MARCHF10: variants seen among roughly 807,000 people sequenced by gnomAD.
MARCHF10 encodes probable E3 ubiquitin-protein ligase MARCHF10.
MARCHF10 carries 64 observed loss-of-function variants against 76.2 expected under a neutral mutation model. The ratio of observed to expected loss-of-function variants is 0.84; its 90% CI spans 0.69 to 1.03. MARCHF10 has a LOEUF of 1.03. MARCHF10 is among the 50% of genes least tolerant of loss of function. The probability of loss-of-function intolerance (pLI) is 0.00; values close to 1 mark genes in which losing one functional copy is unlikely to be tolerated. For missense variants in MARCHF10, 875 were observed against 958.0 expected (o/e 0.91, Z 1.14); for synonymous variants, 340 against 357.5 (o/e 0.95, Z 0.55).
In MARCHF10 at chr17:62,722,949, C is replaced by A. The variant is rs188292754; in HGVS notation, c.2105-352G>T. Among the ~76,000 whole-genome samples, 283 of 150,806 alleles carry A rather than the reference C, an allele frequency of 1.9e-3. 3 individuals are homozygous for A. The highest frequency in any genetic ancestry group is 6.5e-3 in the African/African-American group (265 of 40,758). On this transcript the variant is annotated intron_variant, in intron 7 of 10. Transcript: ENST00000311269. ...GGTGTTTGTAAAAAGAGTGACTATT[C>A]AGCTTTTTTTTTTTTTATTGTAGAC...
intron 5 of MARCHF10, among the ~76,000 whole-genome samples, chr17:62,739,111 C>A (rs1361716683): frequency 6.6e-6 from 1 of 152,116 alleles, no homozygotes; most frequent in Admixed American, 6.5e-5. Context: ...CCAGCCTAGA[C>A]AACATGGTGA....
intron 4 of MARCHF10, among the ~76,000 whole-genome samples, chr17:62,758,862 A>G (rs977319664): frequency 6.6e-6 from 1 of 152,220 alleles, no homozygotes; most frequent in Non-Finnish European, 1.5e-5. Flanking sequence ...CTTTCTGCCT[A>G]GTTACTCCAA....
chr17:62,702,085 C>T (rs2089274157), intron 10 of MARCHF10, among the ~76,000 whole-genome samples: 1 of 152,186 alleles, frequency 6.6e-6, no homozygotes, highest in African/African-American at 2.4e-5. Flanking sequence ...CAGGGTAAGG[C>T]CCCACTTGAA....
intron 2 of MARCHF10, among the ~76,000 whole-genome samples, chr17:62,798,945 T>C (rs1224326337): frequency 1.3e-5 from 2 of 152,098 alleles, no homozygotes; most frequent in Non-Finnish European, 1.5e-5. Context: ...GGGGACTAGA[T>C]GGTGTGTAGC....
intron 2 of MARCHF10, among the ~76,000 whole-genome samples, chr17:62,788,936 G>A (rs550324332): frequency 4.1e-4 from 62 of 151,610 alleles, no homozygotes; most frequent in African/African-American, 1.3e-3. Context: ...GGTGGCGGGC[G>A]CCTGTAGTCC....
Position 62,753,102 on chromosome 17 carries a change from C to T in MARCHF10, c.382+6733G>A, listed in dbSNP as rs373600283. Among the ~76,000 whole-genome samples, 52 of 152,182 alleles carry T rather than the reference C, an allele frequency of 3.4e-4. 1 individual carries two copies. The South Asian group carries it at 4.2e-3, about 12-fold the overall frequency. On this transcript the variant is annotated intron_variant, in intron 4 of 10. Transcript: ENST00000311269. ...AAACCAGAAACCAGAGCTTCTCTCT[C>T]TCTCTCTCTCTTTTTGAGATGGAGC...
chr17:62,707,187 A>G (rs1321511223), intron 9 of MARCHF10, among the ~76,000 whole-genome samples: 1 of 151,822 alleles, frequency 6.6e-6, no homozygotes, highest in African/African-American at 2.4e-5. Flanking sequence ...CCCAAAACCC[A>G]CATCTCCTGG....
At chr17:62,794,087 C>CCACCA (rs1304606556) in intron 2 of MARCHF10, among the ~76,000 whole-genome samples, 1 of 150,156 alleles carries the variant, frequency 6.7e-6, no homozygotes, top group African/African-American at 2.5e-5. Context: ...ACCACCACAA[C>CCACCA]CATCGCCACC....
At chr17:62,721,572 G>C (rs2090489602) in intron 8 of MARCHF10, among the ~76,000 whole-genome samples, 1 of 152,178 alleles carries the variant, frequency 6.6e-6, no homozygotes, top group South Asian at 2.1e-4. Flanking sequence ...CAACCTAATA[G>C]TTCTAAATGG....
At chr17:62,796,384 G>A (rs2092986155) in intron 2 of MARCHF10, among the ~76,000 whole-genome samples, 1 of 152,188 alleles carries the variant, frequency 6.6e-6, no homozygotes, top group African/African-American at 2.4e-5. Context: ...AAAATTTGCT[G>A]CTCCCTGCAA....
At chr17:62,795,023 A>G (rs1055747855) in intron 2 of MARCHF10, 1 of 985,328 alleles carries the variant, frequency 1.0e-6, no homozygotes, top group Non-Finnish European at 1.2e-6. Flanking sequence ...CACATACCTC[A>G]AAGGTGAGCC....
intron 6 of MARCHF10, among the ~76,000 whole-genome samples, chr17:62,728,222 C>T (rs1250576089): frequency 6.6e-6 from 1 of 151,966 alleles, no homozygotes; most frequent in Non-Finnish European, 1.5e-5. Context: ...GAAACAGGGT[C>T]TCCATTGTTG....
intron 1 of MARCHF10, among the ~76,000 whole-genome samples, chr17:62,804,007 G>A (rs1310026261): frequency 6.6e-6 from 1 of 152,112 alleles, no homozygotes; most frequent in Non-Finnish European, 1.5e-5. Context: ...GGGAAGAGTC[G>A]GGATGTGAAC....
chr17:62,705,077 C>G (rs960272174), intron 10 of MARCHF10: 1 of 1,039,692 alleles, frequency 9.6e-7, no homozygotes, highest in African/African-American at 1.7e-5. Context: ...CCTCTGAATT[C>G]AGCAGACCCC....
At chr17:62,780,754 A>G (rs1008087048) in intron 3 of MARCHF10, among the ~76,000 whole-genome samples, 13 of 152,212 alleles carry the variant, frequency 8.5e-5, no homozygotes, top group Admixed American at 7.2e-4. Flanking sequence ...AGGCTTGTGC[A>G]TTTGGAACGA....
intron 2 of MARCHF10, among the ~76,000 whole-genome samples, chr17:62,789,613 T>A (rs2092808740): frequency 6.6e-6 from 1 of 152,166 alleles, no homozygotes; most frequent in African/African-American, 2.4e-5. Flanking sequence ...TATCTTTGAA[T>A]CCCCCAGCAT....
chr17:62,729,619 C>T (rs1245844323), intron 6 of MARCHF10, among the ~76,000 whole-genome samples: 1 of 150,988 alleles, frequency 6.6e-6, no homozygotes, highest in Non-Finnish European at 1.5e-5. Context: ...CACTTTGTCA[C>T]CCAGGCTGGA....
intron 3 of MARCHF10, among the ~76,000 whole-genome samples, chr17:62,763,110 A>G (rs2092250830): frequency 6.6e-6 from 1 of 152,258 alleles, no homozygotes. Context: ...ATGTACGCAT[A>G]GCACTTAGAA....
intron 3 of MARCHF10, 61 bp downstream of exon 3, chr17:62,788,419 A>G: frequency 6.3e-7 from 1 of 1,579,012 alleles, no homozygotes; most frequent in Non-Finnish European, 8.7e-7. Flanking sequence ...ACACACACAC[A>G]CACCACCACC....
Sources: gnomAD v4.1 joint callset for allele counts (sites outside exome capture counted in the v4.1 genomes callset) on GRCh38, gnomAD v4.1.1 for gene constraint, MANE v1.5 for transcripts, NCBI Gene and HGNC (gene_info 2026-07-23, HGNC 2026-07-21) for gene names.